The following ERG variants were observed in gnomAD, a reference collection of about 807,000 sequenced individuals.
ERG encodes transcriptional regulator ERG.
Under a neutral mutation model 55.3 loss-of-function variants are expected in ERG, and 9 were observed. The ratio of observed to expected loss-of-function variants is 0.16; its 90% CI spans 0.10 to 0.28. The LOEUF (loss-of-function observed/expected upper bound fraction) is 0.28, where lower values mean the gene tolerates loss of function less well. Ranked by LOEUF, ERG falls within the 10% of genes least tolerant of loss-of-function variation. The pLI is 1.00. For missense variants in ERG, 434 were observed against 631.6 expected (o/e 0.69, Z 3.35); for synonymous variants, 223 against 237.3 (o/e 0.94, Z 0.55).
chr21:38,417,600 C>G (rs535299083), intron 3 of ERG, among the ~76,000 whole-genome samples: 143 of 152,186 alleles, frequency 9.4e-4, no homozygotes, highest in African/African-American at 3.1e-3. Flanking sequence ...ACCAGCCTTG[C>G]CAACATGGTG....
At chr21:38,419,726 G>A (rs1233319675) in intron 3 of ERG, among the ~76,000 whole-genome samples, 1 of 151,702 alleles carries the variant, frequency 6.6e-6, no homozygotes, top group East Asian at 1.9e-4. Flanking sequence ...TATCCTTCAG[G>A]GACATTTTCT....
chr21:38,420,350 A>G (rs1237970910), intron 3 of ERG, among the ~76,000 whole-genome samples: 1 of 152,168 alleles, frequency 6.6e-6, no homozygotes, highest in Non-Finnish European at 1.5e-5. Context: ...GAGCACACAT[A>G]CATGAAGCTT....
intron 1 of ERG, among the ~76,000 whole-genome samples, chr21:38,637,842 T>C (rs1321252772): frequency 2.6e-5 from 4 of 152,064 alleles, no homozygotes; most frequent in East Asian, 1.9e-4. Flanking sequence ...TGTGTACACA[T>C]GTGTATGTAT....
At chr21:38,528,038 G>A (rs1298863596) in intron 2 of ERG, among the ~76,000 whole-genome samples, 1 of 152,198 alleles carries the variant, frequency 6.6e-6, no homozygotes, top group African/African-American at 2.4e-5. Context: ...TGTGAGGGAG[G>A]ATCTGTTCTA....
rs1478124697 is a variant in ERG at position 38,403,612 on chromosome 21, G to A, written c.486C>T (p.Asn162=). 2.5e-6 allele frequency: 4 copies of A among 1,614,104 alleles called. No individual in the cohort carries two copies. The East Asian group carries it at 6.7e-5, about 27-fold the overall frequency. The part of the protein sequence containing the change: ...LPDVNILLFQ[N]IDGKELCKMT... ...TCTTGCACAGTTCCTTCCCATCGATGTTCTGGAATAACAAGATGTTGACGT... is the reference window on the plus strand; with the variant it reads ...TCTTGCACAGTTCCTTCCCATCGATATTCTGGAATAACAAGATGTTGACGT... Residue 162 remains asparagine, a synonymous_variant, in exon 4 of 10, where the codon AAC becomes AAT. Coordinates refer to ENST00000288319, the MANE Select transcript of ERG (RefSeq NM_182918.4).
intron 1 of ERG, among the ~76,000 whole-genome samples, chr21:38,621,780 C>T (rs915003192): frequency 2.0e-5 from 3 of 152,158 alleles, no homozygotes; most frequent in African/African-American, 7.2e-5. Context: ...CAAGTTCAGC[C>T]CAAGGCAATA....
intron 1 of ERG, among the ~76,000 whole-genome samples, chr21:38,584,292 G>C (rs997836979): frequency 1.3e-5 from 2 of 152,198 alleles, no homozygotes; most frequent in East Asian, 1.9e-4. Context: ...CTTAGAGAGA[G>C]GGAGCTGACC....
intron 1 of ERG, among the ~76,000 whole-genome samples, chr21:38,447,818 C>T (rs753721092): frequency 1.1e-4 from 16 of 151,932 alleles, no homozygotes; most frequent in Non-Finnish European, 1.8e-4. Context: ...GACCAAGGCT[C>T]GCAGGGGAAT....
intron 1 of ERG, among the ~76,000 whole-genome samples, chr21:38,644,033 T>G (rs1400120492): frequency 6.6e-6 from 1 of 152,120 alleles, no homozygotes; most frequent in Non-Finnish European, 1.5e-5. Context: ...CTCAACAAAC[T>G]TTAGTGGAGT....
chr21:38,592,266 G>A (rs919797603), intron 1 of ERG, among the ~76,000 whole-genome samples: 7 of 152,226 alleles, frequency 4.6e-5, no homozygotes, highest in African/African-American at 1.4e-4. Flanking sequence ...CATCATTGCC[G>A]GCTCTAGCGA....
At chr21:38,509,595 A>G (rs2059495981) in intron 2 of ERG, among the ~76,000 whole-genome samples, 1 of 151,874 alleles carries the variant, frequency 6.6e-6, no homozygotes, top group African/African-American at 2.4e-5. Flanking sequence ...TCCCATCCCT[A>G]ACTTTGGTCT....
chr21:38,641,921 G>A (rs905124164), intron 1 of ERG, among the ~76,000 whole-genome samples: 8 of 152,204 alleles, frequency 5.3e-5, no homozygotes, highest in African/African-American at 1.9e-4. Flanking sequence ...CCCCAAGACA[G>A]CCTGATTCAA....
intron 2 of ERG, among the ~76,000 whole-genome samples, chr21:38,435,290 G>GTCA (rs1990396996): frequency 6.6e-6 from 1 of 152,152 alleles, no homozygotes; most frequent in Non-Finnish European, 1.5e-5. Context: ...ATCGAGGTCA[G>GTCA]TCACCACAAA....
intron 8 of ERG, among the ~76,000 whole-genome samples, chr21:38,391,345 A>T (rs527270446): frequency 6.6e-6 from 1 of 152,318 alleles, no homozygotes; most frequent in Non-Finnish European, 1.5e-5. Context: ...AAGCCCCATC[A>T]ATCCAGGGCC....
chr21:38,460,005 G>A lies in ERG; in HGVS notation c.19-14384C>T, dbSNP rs1312173866. ...TGAAGAAACAGAAGGCAGAACTAGA[G>A]ACTCAGGAAAAGAGAGGTAAACTGC... On this transcript the variant is annotated intron_variant, in intron 1 of 9. Transcript: ENST00000288319. The surrounding 1 kb of genome is among the most constrained non-coding windows in gnomAD (Gnocchi z 5.0). Among the ~76,000 whole-genome samples the A allele has an allele frequency of 6.6e-6, 1 of 152,220 alleles. No individual in the cohort carries two copies.
At chr21:38,440,786 T>C (rs1309872935) in intron 2 of ERG, among the ~76,000 whole-genome samples, 2 of 30,478 alleles carry the variant, frequency 6.6e-5, no homozygotes, top group African/African-American at 2.9e-4. Context: ...CAAAACTGTC[T>C]CAAAAAAAAA....
chr21:38,629,526 G>A (rs2060344932), intron 1 of ERG, among the ~76,000 whole-genome samples: 1 of 152,106 alleles, frequency 6.6e-6, no homozygotes. Context: ...TATGGCCAAT[G>A]AGCACATAGA....
rs546781261 is a variant in ERG at position 38,450,129 on chromosome 21, C to A, written c.19-4508G>T. 3.1e-3 allele frequency among the ~76,000 whole-genome samples: 465 copies of A among 151,894 alleles called. 5 individuals are homozygous for A. Among genetic ancestry groups the A allele is most frequent in the African/African-American group, 0.01 (433 of 41,452 alleles). ...ATCTTGGTTCGGGCATGGTGGCTCA[C>A]CCCTGTAATCCAAGCACTTTGAGAG... On this transcript the variant is annotated intron_variant, in intron 1 of 9. Transcript: ENST00000288319.
intron 1 of ERG, among the ~76,000 whole-genome samples, chr21:38,643,192 G>T (rs181887466): frequency 9.2e-5 from 14 of 152,180 alleles, no homozygotes; most frequent in Non-Finnish European, 1.6e-4. Flanking sequence ...CACAATACAC[G>T]TACTGTCTGC....
Sources: allele counts gnomAD v4.1 joint callset (sites outside exome capture counted in the v4.1 genomes callset), GRCh38; gene constraint gnomAD v4.1.1; non-coding constraint Gnocchi (gnomAD v3.1); transcripts MANE v1.5; gene names NCBI Gene and HGNC (gene_info 2026-07-23, HGNC 2026-07-21).